Variants in RHCE observed in about 807,000 individuals in gnomAD.
RHCE encodes Rh blood group CcEe antigens.
In RHCE, 22 loss-of-function variants were observed where a neutral mutation model predicts 43.8. The ratio of observed to expected loss-of-function variants is 0.50; its 90% CI spans 0.36 to 0.72. The LOEUF (loss-of-function observed/expected upper bound fraction) is 0.72, where lower values mean the gene tolerates loss of function less well. Among genes scored for constraint, RHCE ranks in the 30% least tolerant of loss-of-function variants. The probability of loss-of-function intolerance (pLI) is 0.00; values close to 1 mark genes in which losing one functional copy is unlikely to be tolerated. For synonymous variants in RHCE, 156 were observed against 210.7 expected (o/e 0.74, Z 2.25); for missense variants, 385 against 525.4 (o/e 0.73, Z 2.61).
At position 25,408,852 on chromosome 1, in the gene RHCE, C is replaced by T. The variant is rs771585854; in HGVS notation, c.166G>A (p.Val56Met). Reference sequence around the variant, plus strand: ...AAGCCCAAGCCAAGGGCCGCCATCACGGTCAGATCTTGGCCGACTGCTCGG... The same window carrying T: ...AAGCCCAAGCCAAGGGCCGCCATCATGGTCAGATCTTGGCCGACTGCTCGG... ...ASYQVGQDLTVMAALGLGFLT... is the reference protein window; with the variant it reads ...ASYQVGQDLTMMAALGLGFLT... The change falls in exon 2 of 10, where the codon GTG (valine) becomes ATG (methionine). Residue 56 changes from valine (V) to methionine (M), a missense_variant. Val to Met is a conservative substitution (Grantham distance 21). Coordinates refer to ENST00000294413, the MANE Select transcript of RHCE (RefSeq NM_020485.8). 3.0e-5 allele frequency: 39 copies of T among 1,283,338 alleles called. 12 individuals are homozygous for T. The highest frequency in any genetic ancestry group is 8.3e-5 in the African/African-American group (6 of 72,604). 79.5% of individuals were successfully genotyped at this position (1,283,338 alleles called of 1,614,324 possible).
chr1:25,419,663 T>C (rs1231361799), intron 1 of RHCE: 3 of 150,334 alleles, frequency 2.0e-5, no homozygotes, highest in Non-Finnish European at 4.5e-5. Flanking sequence ...ATTGTGGACA[T>C]CTGTCTTATT....
intron 6 of RHCE, 106 bp downstream of exon 6, chr1:25,388,870 C>T: frequency 1.3e-6 from 2 of 1,580,260 alleles, no homozygotes; most frequent in Non-Finnish European, 1.7e-6. Flanking sequence ...AGAGAATGCA[C>T]CAACACCTGC....
chr1:25,387,380 T>C (rs2124406031), intron 6 of RHCE, among the ~76,000 whole-genome samples: 1 of 152,362 alleles, frequency 6.6e-6, no homozygotes, highest in Admixed American at 6.5e-5. Flanking sequence ...GTATTCTGTG[T>C]ATCCATTTCG....
intron 3 of RHCE, among the ~76,000 whole-genome samples, chr1:25,393,874 G>A (rs1646458198): frequency 6.6e-6 from 1 of 152,090 alleles, no homozygotes; most frequent in African/African-American, 2.4e-5. Flanking sequence ...TGTAACAAGG[G>A]CAGGATGGAG....
At chr1:25,414,404 C>G (rs912004279) in intron 1 of RHCE, among the ~76,000 whole-genome samples, 4 of 152,098 alleles carry the variant, frequency 2.6e-5, no homozygotes, top group African/African-American at 9.7e-5. Flanking sequence ...CCCTGTGCTC[C>G]CACTGCTGCC....
chr1:25,390,390 G>A (rs1646318906), intron 5 of RHCE, among the ~76,000 whole-genome samples: 1 of 152,094 alleles, frequency 6.6e-6, no homozygotes, highest in South Asian at 2.1e-4. Flanking sequence ...GAAATTTGTT[G>A]GGGGGAAGAG....
chr1:25,408,415 C>T (rs186604340), intron 2 of RHCE, among the ~76,000 whole-genome samples: 1 of 123,106 alleles, frequency 8.1e-6, no homozygotes, highest in African/African-American at 2.5e-5. Context: ...AAATCATAAT[C>T]GACAATAACA....
intron 1 of RHCE, among the ~76,000 whole-genome samples, chr1:25,418,673 A>G (rs1028099025): frequency 1.3e-5 from 2 of 152,214 alleles, no homozygotes; most frequent in African/African-American, 4.8e-5. Flanking sequence ...TAGTGTGTGC[A>G]CACGCAATGG....
In RHCE at chr1:25,392,049, C is replaced by T. The variant is rs1441272625; in HGVS notation, c.579G>A (p.Lys193=). 1.9e-6 allele frequency: 3 copies of T among 1,614,154 alleles called. No individual in the cohort carries two copies. The highest frequency in any genetic ancestry group is 1.1e-5 in the South Asian group (1 of 91,088). ...CTCTCTGATCATTATCCTCCGTTCC[C>T]TTGGGTAGAGGCTTTGGCAGGCACC... ...VAWCLPKPLP[K]GTEDNDQRAT... is the part of the protein sequence containing the mutation. Residue 193 remains lysine, a synonymous_variant, in exon 4 of 10, where the codon AAG becomes AAA. Coordinates refer to ENST00000294413, the MANE Select transcript of RHCE (RefSeq NM_020485.8).
At chr1:25,405,513 CATGGT>C (rs1298472613) in intron 2 of RHCE, among the ~76,000 whole-genome samples, 1 of 151,614 alleles carries the variant, frequency 6.6e-6, no homozygotes, top group Non-Finnish European at 1.5e-5. Flanking sequence ...ATTAGCCGGG[CATGGT>C]AGCAGGCGTC....
chr1:25,418,471 T>C (rs1440388224), intron 1 of RHCE, among the ~76,000 whole-genome samples: 4 of 152,146 alleles, frequency 2.6e-5, no homozygotes, highest in African/African-American at 4.8e-5. Flanking sequence ...CCCGGCTAGT[T>C]TTTATAATTT....
chr1:25,406,401 C>G lies in RHCE; in HGVS notation c.335+2282G>C, dbSNP rs112725639. Among the ~76,000 whole-genome samples the G allele has an allele frequency of 9.4e-3, 1,130 of 119,690 alleles. 117 individuals are homozygous for G. The highest frequency in any genetic ancestry group is 0.027 in the African/African-American group (1,068 of 39,056). The allele number at this position is 119,690 out of a possible 152,430, so 78.5% of individuals were successfully genotyped here. On this transcript the variant is annotated intron_variant, in intron 2 of 9. Transcript: ENST00000294413. Reference sequence around the variant, plus strand: ...GATCTCGGCTCACTATAGCCTCCGCCTCCCGGGTTCAAGTGATTCGCCTGC... The same window carrying G: ...GATCTCGGCTCACTATAGCCTCCGCGTCCCGGGTTCAAGTGATTCGCCTGC...
intron 3 of RHCE, among the ~76,000 whole-genome samples, chr1:25,397,582 G>A (rs1646592931): frequency 6.6e-6 from 1 of 151,712 alleles, no homozygotes; most frequent in Admixed American, 6.6e-5. Context: ...CCTTGAAGAA[G>A]ATGCCATCAC....
intron 3 of RHCE, among the ~76,000 whole-genome samples, chr1:25,401,862 C>G (rs892590323): frequency 3.3e-5 from 5 of 151,944 alleles, no homozygotes; most frequent in African/African-American, 1.2e-4. Flanking sequence ...ATCTATCAAT[C>G]TTTTCTTTTC....
upstream of RHCE, chr1:25,420,869 C>A (rs1049367520): frequency 1.2e-4 from 182 of 1,556,916 alleles, no homozygotes; most frequent in African/African-American, 2.1e-3. Context: ...CTTGAGGGAG[C>A]GATAGGGGAG....
intron 3 of RHCE, among the ~76,000 whole-genome samples, chr1:25,396,062 C>G (rs1181921431): frequency 1.3e-5 from 2 of 151,528 alleles, no homozygotes; most frequent in Admixed American, 6.6e-5. Flanking sequence ...AGCATGTCTT[C>G]TGATATGATA....
intron 7 of RHCE, chr1:25,385,363 G>A: frequency 2.6e-6 from 1 of 390,692 alleles, no homozygotes; most frequent in South Asian, 2.0e-5. Context: ...CTAGTACGCA[G>A]TGGGAGCACG....
intron 1 of RHCE, among the ~76,000 whole-genome samples, chr1:25,415,512 C>T (rs1455373066): frequency 5.3e-5 from 8 of 152,102 alleles, no homozygotes; most frequent in South Asian, 2.1e-4. Flanking sequence ...ATTAGCCGGG[C>T]GTGGTGGCGC....
At chr1:25,428,230 G>C (rs963237452) in intron 2 of RHCE, among the ~76,000 whole-genome samples, 1 of 152,190 alleles carries the variant, frequency 6.6e-6, no homozygotes, top group Non-Finnish European at 1.5e-5. Flanking sequence ...CTCTGGCCCA[G>C]GTAATCTGGA....
Sources: gnomAD v4.1 joint callset for allele counts (sites outside exome capture counted in the v4.1 genomes callset) on GRCh38, gnomAD v4.1.1 for gene constraint, MANE v1.5 for transcripts, NCBI Gene and HGNC (gene_info 2026-07-23, HGNC 2026-07-21) for gene names.